Variants in ATRX observed in about 807,000 individuals in gnomAD.
ATRX encodes ATRX chromatin remodeler, also known as chromatin remodeler ATRX.
ATRX carries 12 observed loss-of-function variants against 172.6 expected under a neutral mutation model. The observed-to-expected ratio is 0.07, with a 90% CI of 0.04 to 0.11. The LOEUF (loss-of-function observed/expected upper bound fraction) is 0.11. Among genes scored for constraint, ATRX ranks in the 10% least tolerant of loss-of-function variants. ATRX has a pLI of 1.00. For synonymous variants in ATRX, 674 were observed against 594.7 expected, an observed-to-expected ratio of 1.13 and a Z score of -1.94; for missense variants, 1,368 against 1,767.4, an observed-to-expected ratio of 0.77 and a Z score of 4.05.
At chrX:77,589,597 A>T (rs1437838544) in intron 27 of ATRX, among the ~76,000 whole-genome samples, 5 of 112,061 alleles carry the variant, frequency 4.5e-5, no homozygotes, top group African/African-American at 1.6e-4. Flanking sequence ...TAGCCATTTT[A>T]CTATCTATAT....
chrX:77,560,527 A>G (rs2064980508), intron 28 of ATRX, among the ~76,000 whole-genome samples: 1 of 111,097 alleles, frequency 9.0e-6, no homozygotes, highest in Non-Finnish European at 1.9e-5. Flanking sequence ...TAACTTACAG[A>G]GTGACAAAAA....
At chrX:77,607,708 CAAAA>C (rs35946932) in intron 22 of ATRX, among the ~76,000 whole-genome samples, 2 of 41,160 alleles carry the variant, frequency 4.9e-5, no homozygotes, top group Non-Finnish European at 8.5e-5. Flanking sequence ...GACTCTGTCT[CAAAA>C]AAAAAAAAAA....
chrX:77,727,744 G>C (rs1382638830), intron 1 of ATRX: 2 of 110,944 alleles, frequency 1.8e-5, no homozygotes, highest in Non-Finnish European at 3.8e-5. Context: ...TAGGTTGATG[G>C]GTGCAGCAAA....
At chrX:77,686,135 T>C (rs1361354280) in intron 7 of ATRX, among the ~76,000 whole-genome samples, 2 of 112,045 alleles carry the variant, frequency 1.8e-5, no homozygotes, top group Non-Finnish European at 3.8e-5. Flanking sequence ...TACTATTTAA[T>C]AGCACAATAG....
intron 1 of ATRX, among the ~76,000 whole-genome samples, chrX:77,764,591 T>C (rs948155666): frequency 1.8e-5 from 2 of 112,440 alleles, no homozygotes; most frequent in Admixed American, 1.9e-4. Flanking sequence ...TCAAATAAGA[T>C]GTATTTTTCA....
chrX:77,678,609 C>T (rs2071032499), intron 9 of ATRX, among the ~76,000 whole-genome samples: 1 of 111,294 alleles, frequency 9.0e-6, no homozygotes, highest in Non-Finnish European at 1.9e-5. Flanking sequence ...GCCTCAGCCT[C>T]CCAAGTAGCT....
intron 27 of ATRX, among the ~76,000 whole-genome samples, chrX:77,584,357 G>A (rs1557075720): frequency 9.0e-6 from 1 of 111,386 alleles, no homozygotes; most frequent in East Asian, 2.8e-4. Flanking sequence ...ACCCAAAATA[G>A]CCAAAGCTAT....
intron 10 of ATRX, among the ~76,000 whole-genome samples, chrX:77,667,948 C>G (rs1377154663): frequency 9.0e-6 from 1 of 111,341 alleles, no homozygotes; most frequent in Non-Finnish European, 1.9e-5. Flanking sequence ...TATTTTTGCC[C>G]TCTAACACCT....
chrX:77,706,250 C>T (rs2072815023), intron 2 of ATRX, among the ~76,000 whole-genome samples: 1 of 109,166 alleles, frequency 9.2e-6, no homozygotes, highest in Admixed American at 9.9e-5. Context: ...TCCCAAAGTG[C>T]TGGGATTACA....
intron 22 of ATRX, among the ~76,000 whole-genome samples, chrX:77,602,486 A>G (rs1315702526): frequency 9.2e-6 from 1 of 108,721 alleles, no homozygotes; most frequent in African/African-American, 3.3e-5. Flanking sequence ...TTAATTTGCA[A>G]AGTAGAAGGT....
chrX:77,651,447 G>C (rs2069238588), intron 15 of ATRX, among the ~76,000 whole-genome samples: 2 of 111,000 alleles, frequency 1.8e-5, no homozygotes, highest in African/African-American at 6.6e-5. Context: ...TAACCATTTT[G>C]GTGATCATTC....
At position 77,683,646 on chromosome X, in the gene ATRX, T is replaced by A. The variant is rs1557141204; in HGVS notation, c.1610A>T (p.Glu537Val). The A allele has an allele frequency of 8.3e-7, 1 of 1,211,341 alleles. No individual in the cohort carries two copies. The highest frequency in any genetic ancestry group is 1.1e-6 in the Non-Finnish European group (1 of 895,082). ...DIFENLETAM[E>V]VQSSVDHQGD... ...TTGATGATCAACTGAACTCTGAACTTCCATAGCAGTCTCAAGATTCTCAAA... is the reference window on the plus strand; with the variant it reads ...TTGATGATCAACTGAACTCTGAACTACCATAGCAGTCTCAAGATTCTCAAA... Residue 537 changes from glutamate (E) to valine (V), a missense_variant, in exon 9 of 35, where the codon GAA becomes GTA. Physicochemically the swap from Glu to Val is moderately radical, Grantham distance 121. Around this residue, in one of 17 missense-constraint regions of ATRX, gnomAD observed 843 missense variants for 643.1 expected, o/e 1.31. Coordinates refer to ENST00000373344, the MANE Select transcript of ATRX (RefSeq NM_000489.6).
intron 2 of ATRX, among the ~76,000 whole-genome samples, chrX:77,699,269 G>C (rs1382676872): frequency 9.1e-6 from 1 of 110,398 alleles, no homozygotes; most frequent in African/African-American, 3.3e-5. Flanking sequence ...AGGTAGCTGG[G>C]ACTACAGGCG....
At chrX:77,772,137 C>A (rs1222034925) in intron 1 of ATRX, among the ~76,000 whole-genome samples, 1 of 108,845 alleles carries the variant, frequency 9.2e-6, no homozygotes, top group East Asian at 2.9e-4. Flanking sequence ...TCTACTAAAA[C>A]TACAAAAAAA....
At chrX:77,726,381 C>A (rs1168155362) in intron 1 of ATRX, among the ~76,000 whole-genome samples, 6 of 105,910 alleles carry the variant, frequency 5.7e-5, no homozygotes, top group Non-Finnish European at 1.2e-4. Flanking sequence ...GGACAAAAAA[C>A]CAAACACCGC....
At chrX:77,691,728 G>A (rs2071900603) in intron 6 of ATRX, among the ~76,000 whole-genome samples, 1 of 110,960 alleles carries the variant, frequency 9.0e-6, no homozygotes, top group African/African-American at 3.3e-5. Context: ...TCCTAAGTTA[G>A]GCTTCAATTT....
chrX:77,783,836 C>T (rs782269888), intron 1 of ATRX, among the ~76,000 whole-genome samples: 10 of 111,714 alleles, frequency 9.0e-5, no homozygotes, highest in South Asian at 7.4e-4. Flanking sequence ...GAGTGTCACA[C>T]TTTTTAATTA....
At chrX:77,716,822 C>T (rs921192226) in intron 2 of ATRX, among the ~76,000 whole-genome samples, 12 of 112,051 alleles carry the variant, frequency 1.1e-4, no homozygotes. Context: ...CCTGCCTCTT[C>T]TAATACTATT....
At position 77,634,399 on chromosome X, in the gene ATRX, T is replaced by C. The variant is rs1229320779; in HGVS notation, c.4809+195A>G. On this transcript the variant is annotated intron_variant, in intron 17 of 34. Coordinates refer to ENST00000373344, the MANE Select transcript of ATRX (RefSeq NM_000489.6). ...CAATATCCTCCCTTAACATTCATTT[T>C]CTGAAAGTACATATTTCTTATTTGA... 19 of 402,144 alleles carry C rather than the reference T, an allele frequency of 4.7e-5. No homozygotes were observed. The African/African-American group carries it at 4.8e-4, about 10-fold the overall frequency. 33.1% of individuals were successfully genotyped at this position (402,144 alleles called of 1,213,427 possible).
Sources: allele counts gnomAD v4.1 joint callset (sites outside exome capture counted in the v4.1 genomes callset), GRCh38; gene constraint gnomAD v4.1.1; regional missense constraint gnomAD v4.1.1; transcripts MANE v1.5; gene names NCBI Gene and HGNC (gene_info 2026-07-23, HGNC 2026-07-21).